The following CAPN11 variants were observed in gnomAD, a reference collection of about 807,000 sequenced individuals.
The protein encoded by CAPN11 is calpain 11.
Under a neutral mutation model 105.3 loss-of-function variants are expected in CAPN11, and 108 were observed. The ratio of observed to expected loss-of-function variants is 1.03; its 90% CI spans 0.88 to 1.20. CAPN11 has a LOEUF of 1.20. Ranked by LOEUF, CAPN11 falls within the 50% of genes most tolerant of loss-of-function variation. The probability of loss-of-function intolerance (pLI) is 0.00; values close to 1 mark genes in which losing one functional copy is unlikely to be tolerated. For synonymous variants in CAPN11, 329 were observed against 344.5 expected (o/e 0.96, Z 0.50); for missense variants, 883 against 924.8 (o/e 0.95, Z 0.59).
chr6:44,169,632 C>A (rs1398861550), intron 3 of CAPN11, 101 bp downstream of exon 3: 3 of 1,253,652 alleles, frequency 2.4e-6, no homozygotes, highest in East Asian at 2.5e-5. Flanking sequence ...CCCACTACCC[C>A]ATTCTGACCC....
chr6:44,161,851 T>C lies in CAPN11; in HGVS notation c.16+2987T>C, dbSNP rs1397561795. 1.1e-5 allele frequency: 5 copies of C among 456,024 alleles called. No homozygotes were observed. The East Asian group carries it at 3.5e-4, about 32-fold the overall frequency. The allele number at this position is 456,024 out of a possible 1,614,324, so 28.2% of individuals were successfully genotyped here. On this transcript the variant is annotated intron_variant, in intron 1 of 22. Coordinates refer to ENST00000398776, the MANE Select transcript of CAPN11 (RefSeq NM_007058.4). ...CAGCCAGGGTAGAGGCTGCCTGGAG[T>C]GACTGCACGGTGCAAGGGCATGGAG...
chr6:44,181,615 TCACACA>T (rs199904683), intron 19 of CAPN11, among the ~76,000 whole-genome samples: 2 of 6,216 alleles, frequency 3.2e-4, no homozygotes, highest in African/African-American at 1.3e-3. Context: ...CACACCACAC[TCACACA>T]CACACATACA....
intron 15 of CAPN11, 40 bp downstream of exon 15, chr6:44,180,539 C>T: frequency 6.2e-7 from 1 of 1,613,786 alleles, no homozygotes; most frequent in South Asian, 1.1e-5. Context: ...GAAGGAAGCT[C>T]CTGGGCCTGT....
At chr6:44,167,915 T>G (rs2396169) in intron 2 of CAPN11, among the ~76,000 whole-genome samples, 36 of 150,398 alleles carry the variant, frequency 2.4e-4, no homozygotes, top group Admixed American at 4.0e-4. Context: ...GACTCTGTTT[T>G]GAAAAAAAAA....
rs1207780140 is a variant in CAPN11 at position 44,158,969 on chromosome 6, GTA to G, written c.16+106_16+107del. 575 of 698,734 alleles carry G rather than the reference GTA, an allele frequency of 8.2e-4. 4 individuals are homozygous for G. The African/African-American group carries it at 0.018, about 22-fold the overall frequency. 43.3% of individuals were successfully genotyped at this position (698,734 alleles called of 1,614,324 possible). On this transcript the variant is annotated intron_variant, in intron 1 of 22. Transcript: ENST00000398776. ...GCATCAGACTGGGTGCCCCTTGAGG[GTA>G]CAGAGAGTGACTCTTCCATCAGACT... is the stretch of plus-strand genomic sequence containing the variant.
At chr6:44,181,409 G>A in intron 19 of CAPN11, 89 bp downstream of exon 19, 2 of 807,986 alleles carry the variant, frequency 2.5e-6, no homozygotes. Flanking sequence ...TAGAACCCAA[G>A]CCCTAACCAC....
intron 12 of CAPN11, among the ~76,000 whole-genome samples, chr6:44,178,537 T>TA (rs1772535683): frequency 6.6e-6 from 1 of 151,988 alleles, no homozygotes; most frequent in South Asian, 2.1e-4. Context: ...AGGGGTTCAA[T>TA]AGTGAGCAAA....
chr6:44,177,090 G>T (rs1772184966), intron 11 of CAPN11, 92 bp downstream of exon 11: 1 of 1,509,902 alleles, frequency 6.6e-7, no homozygotes. Flanking sequence ...CGAGTCACCG[G>T]AGTCAGGGTC....
intron 1 of CAPN11, chr6:44,161,753 T>A (rs1396094531): frequency 1.1e-5 from 5 of 455,804 alleles, no homozygotes; most frequent in Non-Finnish European, 2.2e-5. Context: ...GTTCTTTCAG[T>A]CTTCTCAAAC....
intron 9 of CAPN11, 41 bp downstream of exon 9, chr6:44,176,379 C>T (rs760471620): frequency 1.3e-6 from 2 of 1,564,162 alleles, no homozygotes; most frequent in East Asian, 2.2e-5. Context: ...TCGGAGGATA[C>T]AGCAGGCGGT....
At chr6:44,170,886 C>A (rs1305499833) in intron 4 of CAPN11, among the ~76,000 whole-genome samples, 1 of 152,172 alleles carries the variant, frequency 6.6e-6, no homozygotes, top group African/African-American at 2.4e-5. Flanking sequence ...GGGTTTCTTC[C>A]AGATCCCTCG....
At chr6:44,173,693 C>T (rs1771439357) in intron 7 of CAPN11, among the ~76,000 whole-genome samples, 1 of 152,036 alleles carries the variant, frequency 6.6e-6, no homozygotes, top group Admixed American at 6.6e-5. Flanking sequence ...AGTGATTCTC[C>T]TCCCTCAGCC....
In CAPN11 at chr6:44,176,166, A is replaced by T. The variant is rs894747562; in HGVS notation, c.915+15A>T. ...GCCTTCAGGATGTGAGTCCTGAGAA[A>T]TGCGCCCTACCCTGAGGACCCTGAG... On this transcript the variant is annotated intron_variant, in intron 8 of 22. Coordinates refer to ENST00000398776, the MANE Select transcript of CAPN11 (RefSeq NM_007058.4). The T allele has an allele frequency of 1.4e-6, 2 of 1,459,464 alleles. No homozygotes were observed. The highest frequency in any genetic ancestry group is 3.5e-5 in the Admixed American group (2 of 56,610). The allele number at this position is 1,459,464 out of a possible 1,614,324, so 90.4% of individuals were successfully genotyped here. A position where few individuals can be genotyped will look rare whatever the true frequency, so the allele number is the denominator to read the frequency against.
intron 12 of CAPN11, chr6:44,177,637 C>A: frequency 1.9e-6 from 1 of 537,486 alleles, no homozygotes. Flanking sequence ...CAGACGTGCA[C>A]CACCATGCCC....
rs1269330410 is a variant in CAPN11 at position 44,180,738 on chromosome 6, C to T, written c.1747-10C>T. Reference sequence around the variant, plus strand: ...GGGGCCCGAGTGGGGTTCACAGTTCCCCTTCCTAGGGCAAGGAGATAGGGG... The same window carrying T: ...GGGGCCCGAGTGGGGTTCACAGTTCTCCTTCCTAGGGCAAGGAGATAGGGG... On this transcript the variant is annotated splice_polypyrimidine_tract_variant and intron_variant, in intron 16 of 22. Coordinates refer to ENST00000398776, the MANE Select transcript of CAPN11 (RefSeq NM_007058.4). 1.2e-6 allele frequency: 2 copies of T among 1,613,578 alleles called. No homozygotes were observed. The highest frequency in any genetic ancestry group is 1.7e-6 in the Non-Finnish European group (2 of 1,179,686).
At chr6:44,176,477 G>T in intron 9 of CAPN11, 104 bp from the exon 10 acceptor site, 2 of 1,310,688 alleles carry the variant, frequency 1.5e-6, no homozygotes. Context: ...ATCTAGCTCC[G>T]CACCCCAGCA....
chr6:44,170,590 T>A (rs1304666983), intron 4 of CAPN11, among the ~76,000 whole-genome samples: 4 of 152,220 alleles, frequency 2.6e-5, no homozygotes, highest in Admixed American at 2.6e-4. Flanking sequence ...GAAGCCATAA[T>A]GCCTTTTCTG....
chr6:44,180,067 C>T lies in CAPN11; in HGVS notation c.1544C>T (p.Pro515Leu), dbSNP rs752862419. 2 of 1,613,134 alleles carry T rather than the reference C, an allele frequency of 1.2e-6. No homozygotes were observed. Among genetic ancestry groups the T allele is most frequent in the Non-Finnish European group, 1.7e-6 (2 of 1,179,196 alleles). Residue 515 changes from proline (P) to leucine (L), a missense_variant, in exon 14 of 23, where the codon CCT becomes CTT. By Grantham distance (98) the Pro-to-Leu change is moderately conservative. Transcript: ENST00000398776. The stretch of plus-strand genomic sequence containing the variant: ...GAGGTGAGCAGCCAACTCCGGCTGC[C>T]TCCGGGGGAATATATCATTATTCCC... ...SREVSSQLRL[P>L]PGEYIIIPST... is the part of the protein sequence containing the mutation.
At chr6:44,179,921 A>C (rs371466618) in intron 13 of CAPN11, 31 bp from the exon 14 acceptor site, 10 of 1,529,658 alleles carry the variant, frequency 6.5e-6, no homozygotes, top group Non-Finnish European at 8.2e-6. Flanking sequence ...CTCCCATGCC[A>C]GTCCTGTACC....
Sources: allele counts gnomAD v4.1 joint callset (sites outside exome capture counted in the v4.1 genomes callset), GRCh38; gene constraint gnomAD v4.1.1; transcripts MANE v1.5; gene names NCBI Gene and HGNC (gene_info 2026-07-23, HGNC 2026-07-21).